ADH7: variants seen among roughly 807,000 people sequenced by gnomAD.
The protein encoded by ADH7 is all-trans-retinol dehydrogenase [NAD(+)] ADH7.
Under a neutral mutation model 34.4 loss-of-function variants are expected in ADH7, and 41 were observed. That is an observed-to-expected ratio of 1.19 (90% confidence interval 0.93 to 1.55). ADH7 has a LOEUF of 1.55. Ranked by LOEUF, ADH7 falls within the 40% of genes most tolerant of loss-of-function variation. ADH7 has a pLI of 0.00. For synonymous variants in ADH7, 180 were observed against 160.9 expected, an observed-to-expected ratio of 1.12 and a Z score of -0.90; for missense variants, 540 against 461.2, an observed-to-expected ratio of 1.17 and a Z score of -1.56.
chr4:99,420,451 A>G, intron 6 of ADH7, 82 bp downstream of exon 6: 1 of 1,397,084 alleles, frequency 7.2e-7, no homozygotes, highest in Non-Finnish European at 9.9e-7. Context: ...TTGACTATTA[A>G]TAAAGTTATA....
chr4:99,413,116 A>C lies in ADH7; in HGVS notation c.*32T>G, dbSNP rs1239737219. 1 of 1,612,660 alleles carries C rather than the reference A, an allele frequency of 6.2e-7. No homozygotes were observed. Among genetic ancestry groups the C allele is most frequent in the South Asian group, 1.1e-5 (1 of 90,894 alleles). The stretch of plus-strand genomic sequence containing the variant: ...CTCACAAGAGAAACTCCAGTTCACC[A>C]TGACAACACAGACCTCCTGCCACTT... On this transcript the variant is annotated 3_prime_UTR_variant, in exon 9 of 9. Coordinates refer to ENST00000437033, the MANE Select transcript of ADH7 (RefSeq NM_000673.7).
chr4:99,428,405 C>G (rs1031579754), intron 3 of ADH7, 87 bp downstream of exon 3: 13 of 1,455,072 alleles, frequency 8.9e-6, no homozygotes, highest in Non-Finnish European at 1.2e-5. Flanking sequence ...AAGGATCCCT[C>G]TAATAATTCC....
chr4:99,415,389 A>G (rs1162152198), intron 8 of ADH7, 89 bp downstream of exon 8: 1 of 1,335,716 alleles, frequency 7.5e-7, no homozygotes, highest in Non-Finnish European at 1.1e-6. Context: ...ATTAGAAATA[A>G]AATATGAAGA....
intron 5 of ADH7, among the ~76,000 whole-genome samples, chr4:99,424,153 T>C (rs1341269688): frequency 6.6e-6 from 1 of 152,228 alleles, no homozygotes; most frequent in Non-Finnish European, 1.5e-5. Context: ...CCCCATTTCT[T>C]GTTTTTCTCA....
intron 5 of ADH7, among the ~76,000 whole-genome samples, chr4:99,421,331 C>T (rs967185403): frequency 6.6e-6 from 1 of 152,100 alleles, no homozygotes; most frequent in Admixed American, 6.5e-5. Context: ...GAACAGAGGC[C>T]TCAGAAATAA....
At position 99,429,490 on chromosome 4, in the gene ADH7, T is replaced by G. The variant is rs1721890532; in HGVS notation, c.120+42A>C. The G allele has an allele frequency of 2.1e-6, 3 of 1,445,148 alleles. No homozygotes were observed. In the East Asian group the frequency reaches 6.9e-5, roughly 33 times the overall value. The allele number at this position is 1,445,148 out of a possible 1,614,324, so 89.5% of individuals were successfully genotyped here. A position where few individuals can be genotyped will look rare whatever the true frequency, so the allele number is the denominator to read the frequency against. On this transcript the variant is annotated intron_variant, in intron 2 of 8. Coordinates refer to ENST00000437033, the MANE Select transcript of ADH7 (RefSeq NM_000673.7). ...AACAGTGCTATATTCAATATAAGTT[T>G]GATAACGCTTTTGGCTTAAGTTCTC...
At chr4:99,425,680 G>T (rs926587865) in intron 5 of ADH7, among the ~76,000 whole-genome samples, 1 of 152,114 alleles carries the variant, frequency 6.6e-6, no homozygotes, top group Admixed American at 6.5e-5. Context: ...GGATATCCAG[G>T]AATTGAACTC....
intron 5 of ADH7, among the ~76,000 whole-genome samples, chr4:99,422,712 T>C (rs1020351737): frequency 6.6e-6 from 1 of 151,972 alleles, no homozygotes; most frequent in Non-Finnish European, 1.5e-5. Context: ...CAGAAGGAGA[T>C]GTGGAAGAAA....
At chr4:99,413,830 G>C (rs1434141718) in intron 8 of ADH7, among the ~76,000 whole-genome samples, 2 of 152,154 alleles carry the variant, frequency 1.3e-5, no homozygotes, top group African/African-American at 4.8e-5. Context: ...ATCAAGGGTT[G>C]CATCATCAAG....
intron 5 of ADH7, among the ~76,000 whole-genome samples, chr4:99,425,415 C>T (rs1187467066): frequency 2.0e-5 from 3 of 152,142 alleles, no homozygotes; most frequent in South Asian, 4.2e-4. Flanking sequence ...CAATCCTAGT[C>T]TCTGATAAAA....
chr4:99,413,321 G>A (rs1478428282), intron 8 of ADH7, 149 bp from the exon 9 acceptor site: 2 of 791,792 alleles, frequency 2.5e-6, no homozygotes, highest in Non-Finnish European at 4.0e-6. Context: ...TTAACAATTA[G>A]TTTTCTTTGT....
Position 99,429,590 on chromosome 4 carries a change from G to T in ADH7, c.62C>A (p.Pro21His), listed in dbSNP as rs748669574. 1.5e-5 allele frequency: 24 copies of T among 1,612,162 alleles called. No homozygotes were observed. The Middle Eastern group carries it at 4.9e-4, about 33-fold the overall frequency. Reference protein sequence around the residue: ...KAAVLWEQKQPFSIEEIEVAP... With the variant: ...KAAVLWEQKQHFSIEEIEVAP... ...AACTTCTATTTCCTCAATGGAGAAG[G>T]GTTGCTTCTGCTCCCAAAGCACAGC... The change falls in exon 2 of 9, where the codon CCC becomes CAC. Residue 21 changes from proline (P) to histidine (H), a missense_variant. Physicochemically the swap from Pro to His is moderately conservative, Grantham distance 77 (BLOSUM62 -2). Coordinates refer to ENST00000437033, the MANE Select transcript of ADH7 (RefSeq NM_000673.7).
chr4:99,420,449 T>G, intron 6 of ADH7, 84 bp downstream of exon 6: 1 of 1,383,172 alleles, frequency 7.2e-7, no homozygotes, highest in East Asian at 2.3e-5. Context: ...TATTGACTAT[T>G]AATAAAGTTA....
rs749638341 is a variant in ADH7, at chr4:99,415,434, G to A, written c.1100+44C>T. 9 of 1,583,044 alleles carry A rather than the reference G, an allele frequency of 5.7e-6. No individual in the cohort carries two copies. The South Asian group carries it at 9.3e-5, about 16-fold the overall frequency. On this transcript the variant is annotated intron_variant, in intron 8 of 8. Coordinates refer to ENST00000437033, the MANE Select transcript of ADH7 (RefSeq NM_000673.7). ...CATTTATAAGTACTAAATTTTAAAA[G>A]TAGCCTGTGGAGAAGAGACAAGATC...
At chr4:99,424,319 T>C (rs1579576713) in intron 5 of ADH7, among the ~76,000 whole-genome samples, 1 of 152,252 alleles carries the variant, frequency 6.6e-6, no homozygotes, top group African/African-American at 2.4e-5. Context: ...GCGTGATGCC[T>C]CCAGCTTTGT....
intron 2 of ADH7, 149 bp downstream of exon 2, chr4:99,429,383 C>A: frequency 3.5e-6 from 2 of 563,758 alleles, no homozygotes; most frequent in East Asian, 2.8e-5. Flanking sequence ...ACAACCAGAT[C>A]CTTAACAATA....
In ADH7 at chr4:99,413,021, A is replaced by G; in HGVS notation, c.*127T>C. 1 of 961,882 alleles carries G rather than the reference A, an allele frequency of 1.0e-6. No homozygotes were observed. The highest frequency in any genetic ancestry group is 1.6e-6 in the Non-Finnish European group (1 of 617,836). 59.6% of individuals were successfully genotyped at this position (961,882 alleles called of 1,614,324 possible). The stretch of plus-strand genomic sequence containing the variant: ...GTTAATAATTCTTTATAAGGGTTCT[A>G]TGTCTTCAACAAATCTTCTACTTAT... On this transcript the variant is annotated 3_prime_UTR_variant, in exon 9 of 9. Transcript: ENST00000437033.
Position 99,428,105 on chromosome 4 carries a change from T to C in ADH7, c.329A>G (p.Asn110Ser). Reference sequence around the variant, plus strand: ...AACCTACTCGCTCCTAATGCAAAGGTTGCCATCTGGGTTGCGACAAGCATT... The same window carrying C: ...AACCTACTCGCTCCTAATGCAAAGGCTGCCATCTGGGTTGCGACAAGCATT... ...ECNACRNPDG[N>S]LCIRSDITGR... is the part of the protein sequence containing the mutation. Residue 110 changes from asparagine (N) to serine (S), a missense_variant, in exon 4 of 9, where the codon AAC becomes AGC. Physicochemically the swap from Asn to Ser is conservative, Grantham distance 46 (BLOSUM62 1). Coordinates refer to ENST00000437033, the MANE Select transcript of ADH7 (RefSeq NM_000673.7). The C allele has an allele frequency of 6.2e-7, 1 of 1,613,960 alleles. No homozygotes were observed. The highest frequency in any genetic ancestry group is 1.1e-5 in the South Asian group (1 of 91,060).
At chr4:99,433,551 C>T (rs1439254057) in intron 1 of ADH7, among the ~76,000 whole-genome samples, 3 of 152,104 alleles carry the variant, frequency 2.0e-5, no homozygotes, top group Non-Finnish European at 4.4e-5. Context: ...GAAGTCCTAA[C>T]CCCCCGTACC....
Sources: gnomAD v4.1 joint callset for allele counts (sites outside exome capture counted in the v4.1 genomes callset) on GRCh38, gnomAD v4.1.1 for gene constraint, MANE v1.5 for transcripts, NCBI Gene and HGNC (gene_info 2026-07-23, HGNC 2026-07-21) for gene names.